Variants in ZNF518A observed in about 807,000 individuals in gnomAD.
ZNF518A encodes zinc finger protein 518.
A neutral mutation model predicts 102.7 loss-of-function variants in ZNF518A; 47 were observed. The ratio of observed to expected loss-of-function variants is 0.46; its 90% CI spans 0.36 to 0.58. The LOEUF (loss-of-function observed/expected upper bound fraction) is 0.58, where lower values mean the gene tolerates loss of function less well. Ranked by LOEUF, ZNF518A falls within the 20% of genes least tolerant of loss-of-function variation. The pLI, the probability that ZNF518A is intolerant of heterozygous loss-of-function variation, is 0.00. For synonymous variants in ZNF518A, 652 were observed against 594.6 expected (o/e 1.10, Z -1.40); for missense variants, 1,793 against 1,699.8 (o/e 1.05, Z -0.96).
intron 1 of ZNF518A, chr10:96,196,819 T>C: frequency 2.3e-6 from 3 of 1,310,956 alleles, no homozygotes; most frequent in Non-Finnish European, 3.3e-6. Context: ...TTGTATCCTT[T>C]CTCCTCATCT....
chr10:96,148,240 T>TA (rs1554879182), intron 3 of ZNF518A, among the ~76,000 whole-genome samples: 1 of 152,080 alleles, frequency 6.6e-6, no homozygotes, highest in African/African-American at 2.4e-5. Context: ...GGGAGTTCGA[T>TA]AACCAGCCTG....
intron 1 of ZNF518A, among the ~76,000 whole-genome samples, chr10:96,194,256 T>C (rs1554894140): frequency 6.6e-6 from 1 of 152,206 alleles, no homozygotes; most frequent in East Asian, 1.9e-4. Context: ...GGAGAAGCTT[T>C]AGGATGTTAA....
At chr10:96,188,166 A>G (rs2083283909) in intron 1 of ZNF518A, among the ~76,000 whole-genome samples, 1 of 152,224 alleles carries the variant, frequency 6.6e-6, no homozygotes, top group Admixed American at 6.5e-5. Context: ...AGACTTTTCT[A>G]ATCTCATCAA....
At chr10:96,173,039 A>G (rs936738803) in intron 1 of ZNF518A, among the ~76,000 whole-genome samples, 2 of 152,186 alleles carry the variant, frequency 1.3e-5, no homozygotes, top group African/African-American at 2.4e-5. Context: ...ACAATACAGT[A>G]TAACAACTAT....
Position 96,159,898 on chromosome 10 carries a change from C to T in ZNF518A, c.3576C>T (p.Ala1192=). The stretch of plus-strand genomic sequence containing the variant: ...AGAAAGAGCCAGAATCTAGAGATGC[C>T]TTACCCTTCTTACTAGATGACTTAA... The part of the protein sequence containing the change: ...GEQKEPESRD[A]LPFLLDDLMP... Residue 1192 remains alanine, a synonymous_variant, in exon 6 of 6, where the codon GCC becomes GCT. Coordinates refer to ENST00000316045, the MANE Select transcript of ZNF518A (RefSeq NM_001330736.2). 1 of 1,613,430 alleles carries T rather than the reference C, an allele frequency of 6.2e-7. No individual in the cohort carries two copies. Among genetic ancestry groups the T allele is most frequent in the South Asian group, 1.1e-5 (1 of 91,062 alleles).
chr10:96,196,896 G>T, intron 1 of ZNF518A: 12 of 1,612,166 alleles, frequency 7.4e-6, no homozygotes, highest in South Asian at 1.1e-5. Context: ...AATTTAAAAA[G>T]AAATCACTGA....
rs587739919 is a variant in ZNF518A at position 96,155,371 on chromosome 10, T to C, written c.-256T>C. The C allele has an allele frequency of 6.6e-6, 1 of 152,318 alleles. No homozygotes were observed. Among genetic ancestry groups the C allele is most frequent in the African/African-American group, 2.4e-5 (1 of 41,566 alleles). The allele number at this position is 152,318 out of a possible 1,614,324, so 9.4% of individuals were successfully genotyped here. A position where few individuals can be genotyped will look rare whatever the true frequency, so the allele number is the denominator to read the frequency against. ...AGGTTGAGACTTGTCTAAAGTAACA[T>C]GACCAGTAAGTGCTTGAATTAATGC... is the stretch of plus-strand genomic sequence containing the variant. On this transcript the variant is annotated 5_prime_UTR_variant, in exon 4 of 6. An upstream start codon of the reference 5' UTR is lost. Coordinates refer to ENST00000316045, the MANE Select transcript of ZNF518A (RefSeq NM_001330736.2).
chr10:96,171,692 A>G (rs1251734917), intron 1 of ZNF518A, among the ~76,000 whole-genome samples: 1 of 152,186 alleles, frequency 6.6e-6, no homozygotes, highest in African/African-American at 2.4e-5. Context: ...ACACATAGAC[A>G]CATGTATAAT....
chr10:96,196,530 TG>T (rs1453428828), intron 1 of ZNF518A, among the ~76,000 whole-genome samples: 1 of 152,232 alleles, frequency 6.6e-6, no homozygotes, highest in East Asian at 1.9e-4. Flanking sequence ...TAACCTACCT[TG>T]GTACTTGAGT....
At chr10:96,191,634 A>G in intron 1 of ZNF518A, 1 of 218,614 alleles carries the variant, frequency 4.6e-6, no homozygotes, top group Non-Finnish European at 9.1e-6. Flanking sequence ...GTGGAGGTTT[A>G]AATTTCCAGC....
At chr10:96,176,948 C>T (rs1281491987) in intron 1 of ZNF518A, among the ~76,000 whole-genome samples, 1 of 151,830 alleles carries the variant, frequency 6.6e-6, no homozygotes, top group Non-Finnish European at 1.5e-5. Context: ...TGTAGTTGTG[C>T]ATGCCTGTAG....
In ZNF518A at chr10:96,156,688, A is replaced by G. The variant is rs781980122; in HGVS notation, c.366A>G (p.Leu122=). The G allele has an allele frequency of 5.0e-6, 8 of 1,613,668 alleles. No individual in the cohort carries two copies. Among genetic ancestry groups the G allele is most frequent in the Non-Finnish European group, 5.9e-6 (7 of 1,179,766 alleles). ...CAAAAATACTCAATTTCAGCTGTTTAAAATGCCGAGACAACACTCGATATA... is the reference window on the plus strand; with the variant it reads ...CAAAAATACTCAATTTCAGCTGTTTGAAATGCCGAGACAACACTCGATATA... The part of the protein sequence containing the change: ...MSAKILNFSC[L]KCRDNTRYSP... The change falls in exon 6 of 6, where the codon TTA becomes TTG. Residue 122 remains leucine (L), a synonymous_variant. Transcript: ENST00000316045.
chr10:96,131,613 C>T (rs587723772), intron 1 of ZNF518A, among the ~76,000 whole-genome samples: 11 of 152,230 alleles, frequency 7.2e-5, no homozygotes, highest in Non-Finnish European at 1.3e-4. Context: ...TGTTACACAA[C>T]CAAATGTTTC....
intron 1 of ZNF518A, among the ~76,000 whole-genome samples, chr10:96,181,550 A>G (rs1463424225): frequency 3.9e-5 from 6 of 152,184 alleles, no homozygotes; most frequent in Non-Finnish European, 8.8e-5. Flanking sequence ...ATCCAGTTTC[A>G]GCTTTCTATA....
At chr10:96,181,641 C>T (rs1339537804) in intron 1 of ZNF518A, among the ~76,000 whole-genome samples, 4 of 152,160 alleles carry the variant, frequency 2.6e-5, no homozygotes, top group Non-Finnish European at 2.9e-5. Context: ...TGTCAAAGAT[C>T]ACATGGTTGT....
chr10:96,130,106 G>A (rs587750146), upstream of ZNF518A: 1 of 152,744 alleles, frequency 6.5e-6, no homozygotes, highest in Non-Finnish European at 1.5e-5. Flanking sequence ...GCAGGCAATG[G>A]GTACTACGAC....
At chr10:96,168,642 C>G (rs1301140636), downstream of ZNF518A, among the ~76,000 whole-genome samples, 1 of 151,988 alleles carries the variant, frequency 6.6e-6, no homozygotes, top group East Asian at 1.9e-4. Context: ...GTTTTGTTTT[C>G]TTTTTAATTT....
chr10:96,161,668 G>A lies in ZNF518A; in HGVS notation c.*894G>A. On this transcript the variant is annotated 3_prime_UTR_variant, in exon 6 of 6. Coordinates refer to ENST00000316045, the MANE Select transcript of ZNF518A (RefSeq NM_001330736.2). Reference sequence around the variant, plus strand: ...TCCCTTTAAAAAGAGTGGAACATAGGAGCACTTCCAAGGGAGTGGCTTTTC... The same window carrying A: ...TCCCTTTAAAAAGAGTGGAACATAGAAGCACTTCCAAGGGAGTGGCTTTTC... 6.0e-6 allele frequency: 1 copy of A among 166,944 alleles called. No homozygotes were observed. The allele number at this position is 166,944 out of a possible 1,614,324, so 10.3% of individuals were successfully genotyped here. A position where few individuals can be genotyped will look rare whatever the true frequency, so the allele number is the denominator to read the frequency against.
chr10:96,196,442 A>G (rs149601722), intron 1 of ZNF518A, among the ~76,000 whole-genome samples: 12 of 152,306 alleles, frequency 7.9e-5, no homozygotes, highest in Admixed American at 3.3e-4. Flanking sequence ...CTCCAGGCCC[A>G]TAAGCTCATT....
Sources: allele counts gnomAD v4.1 joint callset (sites outside exome capture counted in the v4.1 genomes callset), GRCh38; gene constraint gnomAD v4.1.1; transcripts MANE v1.5; gene names NCBI Gene and HGNC (gene_info 2026-07-23, HGNC 2026-07-21).